CDH18: variants seen among roughly 807,000 people sequenced by gnomAD.
The protein encoded by CDH18 is cadherin 18, also known as cadherin-18.
A neutral mutation model predicts 67.9 loss-of-function variants in CDH18; 31 were observed. The ratio of observed to expected loss-of-function variants is 0.46; its 90% CI spans 0.34 to 0.62. The LOEUF (loss-of-function observed/expected upper bound fraction) is 0.62, where lower values mean the gene tolerates loss of function less well. Ranked by LOEUF, CDH18 falls within the 20% of genes least tolerant of loss-of-function variation. The pLI is 0.01. For missense variants in CDH18, 890 were observed against 975.5 expected, an observed-to-expected ratio of 0.91 and a Z score of 1.17; for synonymous variants, 362 against 347.2, an observed-to-expected ratio of 1.04 and a Z score of -0.48.
Position 19,798,342 on chromosome 5 carries a change from G to A in CDH18, c.228+40417C>T, listed in dbSNP as rs138436776. 5.4e-3 allele frequency among the ~76,000 whole-genome samples: 816 copies of A among 151,812 alleles called. 2 individuals are homozygous for A. Among genetic ancestry groups the A allele is most frequent in the South Asian group, 0.012 (57 of 4,810 alleles). On this transcript the variant is annotated intron_variant, in intron 3 of 12. Transcript: ENST00000382275. ...GGGAAAATTTGCAAAGGATGTCTCC[G>A]TATTATATTTTACAAATAAATGTTA...
chr5:20,125,195 G>T (rs954251342), intron 2 of CDH18, among the ~76,000 whole-genome samples: 1 of 152,116 alleles, frequency 6.6e-6, no homozygotes, highest in Non-Finnish European at 1.5e-5. Flanking sequence ...GAATTTTTTA[G>T]ACAGGCTTAA....
chr5:20,336,285 A>G (rs1038333638), intron 1 of CDH18, among the ~76,000 whole-genome samples: 1 of 152,104 alleles, frequency 6.6e-6, no homozygotes, highest in Non-Finnish European at 1.5e-5. Context: ...GGGGGGAATG[A>G]GAGAGGACAC....
intron 2 of CDH18, among the ~76,000 whole-genome samples, chr5:20,230,735 A>AT (rs1332276897): frequency 2.0e-5 from 3 of 152,086 alleles, no homozygotes; most frequent in Admixed American, 1.3e-4. Flanking sequence ...TAATAAAATG[A>AT]TTTTTTGTTA....
chr5:20,140,065 A>G (rs1384752291), intron 2 of CDH18, among the ~76,000 whole-genome samples: 1 of 152,172 alleles, frequency 6.6e-6, no homozygotes, highest in Non-Finnish European at 1.5e-5. Flanking sequence ...CTTGGAACCA[A>G]CCCAAATGTC....
rs148450999 is a variant in CDH18 at position 20,504,107 on chromosome 5, A to C, written c.-580+71355T>G. Among the ~76,000 whole-genome samples the C allele has an allele frequency of 3.2e-3, 482 of 152,214 alleles. 3 individuals carry two copies. The highest frequency in any genetic ancestry group is 0.011 in the African/African-American group (454 of 41,524). On this transcript the variant is annotated intron_variant, in intron 1 of 14. Transcript: ENST00000507958. ...AAATTATTTATGGTCTTGAGCTCCA[A>C]CTATGTCATAATAATGAAATCCTCA...
At chr5:20,272,281 T>C (rs553986632) in intron 1 of CDH18, among the ~76,000 whole-genome samples, 1 of 152,186 alleles carries the variant, frequency 6.6e-6, no homozygotes, top group East Asian at 1.9e-4. Flanking sequence ...ATGAGAGCAG[T>C]ATCTGAGATG....
chr5:20,142,475 G>A (rs1471501112), intron 2 of CDH18, among the ~76,000 whole-genome samples: 1 of 151,886 alleles, frequency 6.6e-6, no homozygotes, highest in Non-Finnish European at 1.5e-5. Context: ...AACTATTTGG[G>A]TGGCAGAGGC....
chr5:20,428,466 G>A lies in CDH18; in HGVS notation c.-580+146996C>T, dbSNP rs151320375. Among the ~76,000 whole-genome samples the A allele has an allele frequency of 7.1e-3, 1,081 of 152,246 alleles. 8 individuals are homozygous for A. Among genetic ancestry groups the A allele is most frequent in the African/African-American group, 0.025 (1,022 of 41,540 alleles). On this transcript the variant is annotated intron_variant, in intron 1 of 14. Transcript: ENST00000507958. ...AACCTTTGGGTATAAACCCAGTAAT[G>A]GGATTGCTGGATCAAATGATATTTC...
chr5:20,070,488 T>A (rs1743390223), intron 2 of CDH18, among the ~76,000 whole-genome samples: 1 of 152,164 alleles, frequency 6.6e-6, no homozygotes, highest in Non-Finnish European at 1.5e-5. Flanking sequence ...CAGATGGAGA[T>A]TGAATGTGAT....
At chr5:20,159,962 T>C (rs1751846657) in intron 2 of CDH18, among the ~76,000 whole-genome samples, 2 of 152,168 alleles carry the variant, frequency 1.3e-5, no homozygotes, top group Admixed American at 6.6e-5. Flanking sequence ...GTGTAACCCA[T>C]TATCAGTGAG....
At chr5:19,673,437 T>A (rs899345991) in intron 5 of CDH18, among the ~76,000 whole-genome samples, 1 of 152,010 alleles carries the variant, frequency 6.6e-6, no homozygotes, top group African/African-American at 2.4e-5. Flanking sequence ...TTATCTGATT[T>A]TAAGCTTTCT....
intron 2 of CDH18, among the ~76,000 whole-genome samples, chr5:20,130,143 G>T (rs1320660502): frequency 2.7e-5 from 4 of 150,766 alleles, no homozygotes; most frequent in Non-Finnish European, 5.9e-5. Flanking sequence ...GAAATCAGAG[G>T]CTTCTCTATA....
intron 2 of CDH18, among the ~76,000 whole-genome samples, chr5:19,914,795 C>T (rs534081819): frequency 1.6e-4 from 24 of 152,008 alleles, no homozygotes; most frequent in Admixed American, 1.2e-3. Context: ...AACATCAAGT[C>T]AATAGTTTCC....
At chr5:19,711,776 T>G (rs1046267783) in intron 5 of CDH18, among the ~76,000 whole-genome samples, 9 of 151,342 alleles carry the variant, frequency 5.9e-5, no homozygotes, top group African/African-American at 2.2e-4. Context: ...TCAAAAAAAC[T>G]CAAAATAGAA....
chr5:20,439,322 CTATT>C (rs1271704111), intron 1 of CDH18, among the ~76,000 whole-genome samples: 1 of 151,550 alleles, frequency 6.6e-6, no homozygotes, highest in African/African-American at 2.4e-5. Flanking sequence ...TTCCTGCACA[CTATT>C]TAATTATGCT....
rs1359640832 is a variant in CDH18, at chr5:20,437,259, C to T, written c.-580+138203G>A. On this transcript the variant is annotated intron_variant, in intron 1 of 14. Coordinates refer to the CDH18 transcript ENST00000507958. The stretch of plus-strand genomic sequence containing the variant: ...TGCCTTATATACCTTTTTATAATCC[C>T]ATAGCTCCCTTCTTAGAGCCTAAGA... Among the ~76,000 whole-genome samples the T allele has an allele frequency of 2.0e-5, 3 of 151,112 alleles. No homozygotes were observed. In the East Asian group the frequency reaches 5.8e-4, roughly 29 times the overall value.
At chr5:20,383,630 A>G (rs1009868001) in intron 1 of CDH18, among the ~76,000 whole-genome samples, 2 of 152,120 alleles carry the variant, frequency 1.3e-5, no homozygotes, top group Non-Finnish European at 2.9e-5. Flanking sequence ...TTACTATTGT[A>G]TTGCAATGCT....
At chr5:19,536,796 T>C (rs142138933) in intron 9 of CDH18, among the ~76,000 whole-genome samples, 2 of 152,292 alleles carry the variant, frequency 1.3e-5, no homozygotes, top group African/African-American at 4.8e-5. Flanking sequence ...GCATTATTTG[T>C]TCCCATGGAA....
intron 2 of CDH18, among the ~76,000 whole-genome samples, chr5:20,223,668 T>A (rs188070528): frequency 6.6e-6 from 1 of 152,218 alleles, no homozygotes; most frequent in Admixed American, 6.5e-5. Context: ...GGGAGGTAAT[T>A]GATTCATGGG....
Sources: gnomAD v4.1 joint callset for allele counts (sites outside exome capture counted in the v4.1 genomes callset) on GRCh38, gnomAD v4.1.1 for gene constraint, MANE v1.5 for transcripts, NCBI Gene and HGNC (gene_info 2026-07-23, HGNC 2026-07-21) for gene names.